The following SUPT3H variants were observed in gnomAD, a reference collection of about 807,000 sequenced individuals.
The protein encoded by SUPT3H is SPT3 homolog, SAGA and STAGA complex component, also known as transcription initiation protein SPT3 homolog.
A neutral mutation model predicts 44.3 loss-of-function variants in SUPT3H; 44 were observed. The observed-to-expected ratio is 0.99, with a 90% CI of 0.78 to 1.28. The LOEUF (loss-of-function observed/expected upper bound fraction) is 1.28. SUPT3H is among the 50% of genes most tolerant of loss of function. The pLI, the probability that SUPT3H is intolerant of heterozygous loss-of-function variation, is 0.00. For missense variants in SUPT3H, 380 were observed against 387.1 expected (o/e 0.98, Z 0.15); for synonymous variants, 124 against 125.6 (o/e 0.99, Z 0.09).
At chr6:45,046,841 G>A (rs1789475132) in intron 3 of SUPT3H, among the ~76,000 whole-genome samples, 1 of 152,118 alleles carries the variant, frequency 6.6e-6, no homozygotes, top group African/African-American at 2.4e-5. Flanking sequence ...CAACAATATT[G>A]AGCTTTCTAA....
chr6:45,137,210 T>C (rs867246616), intron 2 of SUPT3H, among the ~76,000 whole-genome samples: 4 of 152,054 alleles, frequency 2.6e-5, no homozygotes, highest in Admixed American at 2.6e-4. Context: ...AGAAAAAGCC[T>C]GAGAGAATGT....
intron 2 of SUPT3H, among the ~76,000 whole-genome samples, chr6:45,117,358 T>TTTACATC (rs1338501489): frequency 6.6e-6 from 1 of 152,066 alleles, no homozygotes; most frequent in East Asian, 1.9e-4. Flanking sequence ...AACATCTCAT[T>TTTACATC]TAAATTTTTA....
At chr6:45,248,312 C>T (rs1345761717) in intron 2 of SUPT3H, among the ~76,000 whole-genome samples, 2 of 151,966 alleles carry the variant, frequency 1.3e-5, no homozygotes, top group African/African-American at 4.8e-5. Flanking sequence ...TACATATTTC[C>T]ATGGGAGAAA....
At chr6:45,339,951 T>G (rs1394373341) in intron 2 of SUPT3H, among the ~76,000 whole-genome samples, 3 of 152,142 alleles carry the variant, frequency 2.0e-5, no homozygotes, top group Non-Finnish European at 2.9e-5. Flanking sequence ...CTCCCTTATA[T>G]GAGACATGTA....
chr6:45,336,223 A>C (rs1788523615), intron 2 of SUPT3H, among the ~76,000 whole-genome samples: 1 of 151,484 alleles, frequency 6.6e-6, no homozygotes, highest in African/African-American at 2.4e-5. Context: ...TAACCACTTC[A>C]TTTTAAAAGT....
chr6:44,817,534 G>GT (rs1766991957), intron 11 of SUPT3H, among the ~76,000 whole-genome samples: 1 of 152,048 alleles, frequency 6.6e-6, no homozygotes, highest in Admixed American at 6.5e-5. Flanking sequence ...AAAAAAAATT[G>GT]TATTTGCAAA....
At chr6:45,119,874 A>G (rs1470611561) in intron 2 of SUPT3H, among the ~76,000 whole-genome samples, 5 of 151,182 alleles carry the variant, frequency 3.3e-5, no homozygotes, top group Admixed American at 6.6e-5. Flanking sequence ...TACTTTTAAA[A>G]AAGAAAAGGA....
intron 2 of SUPT3H, among the ~76,000 whole-genome samples, chr6:45,194,260 T>C (rs1467341811): frequency 6.6e-6 from 1 of 152,096 alleles, no homozygotes; most frequent in Non-Finnish European, 1.5e-5. Flanking sequence ...ACAACACATG[T>C]ATCCCTGGTT....
In SUPT3H at chr6:44,827,636, G is replaced by C. The variant is rs1767910610; in HGVS notation, c.*2180C>G. On this transcript the variant is annotated 3_prime_UTR_variant, in exon 11 of 11. Transcript: ENST00000371459. ...ACATTCCTTCTGTAAATTTTCTTTT[G>C]TTTCTATAGTCACTGCTGAAGGAAG... is the stretch of plus-strand genomic sequence containing the variant. 6.6e-6 allele frequency among the ~76,000 whole-genome samples: 1 copy of C among 151,916 alleles called. No homozygotes were observed. Among genetic ancestry groups the C allele is most frequent in the Non-Finnish European group, 1.5e-5 (1 of 67,924 alleles).
At chr6:44,849,440 G>T (rs1469934054) in intron 10 of SUPT3H, among the ~76,000 whole-genome samples, 1 of 151,478 alleles carries the variant, frequency 6.6e-6, no homozygotes, top group African/African-American at 2.4e-5. Context: ...TTTTAGCCGG[G>T]ATGGTCTCGA....
At chr6:45,187,751 G>C (rs1206420122) in intron 2 of SUPT3H, among the ~76,000 whole-genome samples, 3 of 152,156 alleles carry the variant, frequency 2.0e-5, no homozygotes, top group African/African-American at 7.2e-5. Context: ...CCAAAGGGAA[G>C]TACAAAACAG....
At chr6:44,830,662 A>C (rs1301003973) in intron 10 of SUPT3H, among the ~76,000 whole-genome samples, 2 of 152,276 alleles carry the variant, frequency 1.3e-5, no homozygotes, top group East Asian at 3.9e-4. Flanking sequence ...AGCAGAACTA[A>C]AATTCAGGAC....
At chr6:45,012,886 C>T (rs1783701536) in intron 5 of SUPT3H, among the ~76,000 whole-genome samples, 1 of 152,118 alleles carries the variant, frequency 6.6e-6, no homozygotes, top group South Asian at 2.1e-4. Context: ...TATGCAGCCT[C>T]TGATGTTGTT....
At chr6:44,855,041 T>G (rs1262562242) in intron 10 of SUPT3H, among the ~76,000 whole-genome samples, 3 of 152,248 alleles carry the variant, frequency 2.0e-5, no homozygotes, top group Admixed American at 6.5e-5. Flanking sequence ...ACCACTCAGT[T>G]GTGCAACTTG....
intron 10 of SUPT3H, among the ~76,000 whole-genome samples, chr6:44,860,551 C>A (rs983033523): frequency 6.6e-6 from 1 of 152,100 alleles, no homozygotes; most frequent in East Asian, 1.9e-4. Flanking sequence ...CCAGGTCTCC[C>A]GACTCTTATT....
chr6:45,085,262 T>C (rs1214174913), intron 3 of SUPT3H, among the ~76,000 whole-genome samples: 1 of 152,168 alleles, frequency 6.6e-6, no homozygotes, highest in African/African-American at 2.4e-5. Flanking sequence ...TTTAAATATT[T>C]AATTAAATAT....
At chr6:45,137,276 G>A (rs1411203024) in intron 2 of SUPT3H, among the ~76,000 whole-genome samples, 2 of 151,904 alleles carry the variant, frequency 1.3e-5, no homozygotes, top group African/African-American at 4.8e-5. Context: ...CATTTTGAAA[G>A]GAAATGACAT....
At chr6:44,822,066 AAT>A (rs1767365220), downstream of SUPT3H, among the ~76,000 whole-genome samples, 1 of 152,234 alleles carries the variant, frequency 6.6e-6, no homozygotes, top group African/African-American at 2.4e-5. Context: ...TTATTAATAA[AAT>A]AGAGTAGCAC....
At chr6:45,361,291 A>G (rs1201823281) in intron 2 of SUPT3H, among the ~76,000 whole-genome samples, 2 of 152,110 alleles carry the variant, frequency 1.3e-5, no homozygotes, top group African/African-American at 2.4e-5. Flanking sequence ...GATTTTTTCA[A>G]TGTTATTGCT....
Sources: gnomAD v4.1 joint callset for allele counts (sites outside exome capture counted in the v4.1 genomes callset) on GRCh38, gnomAD v4.1.1 for gene constraint, MANE v1.5 for transcripts, NCBI Gene and HGNC (gene_info 2026-07-23, HGNC 2026-07-21) for gene names.